SCFD1: variants seen among roughly 807,000 people sequenced by gnomAD.
SCFD1 encodes the protein sec1 family domain containing 1.
A neutral mutation model predicts 103.2 loss-of-function variants in SCFD1; 37 were observed. That is an observed-to-expected ratio of 0.36 (90% CI 0.28 to 0.47). The LOEUF is 0.47. SCFD1 is among the 20% of genes least tolerant of loss of function. The pLI is 1.00. For synonymous variants in SCFD1, 264 were observed against 245.0 expected, an observed-to-expected ratio of 1.08 and a Z score of -0.73; for missense variants, 639 against 761.2, an observed-to-expected ratio of 0.84 and a Z score of 1.89.
chr14:30,634,742 A>AT, intron 4 of SCFD1: 2 of 451,216 alleles, frequency 4.4e-6, no homozygotes, highest in East Asian at 1.4e-4. Flanking sequence ...GTCGCTGATC[A>AT]TTCGTCTTTA....
intron 10 of SCFD1, among the ~76,000 whole-genome samples, chr14:30,654,954 G>A (rs1886759438): frequency 1.3e-5 from 2 of 152,140 alleles, no homozygotes; most frequent in Admixed American, 1.3e-4. Context: ...AGTAAGAGGT[G>A]GGAGAGGAGG....
At chr14:30,706,097 A>G (rs1891451419) in intron 18 of SCFD1, among the ~76,000 whole-genome samples, 2 of 152,022 alleles carry the variant, frequency 1.3e-5, no homozygotes, top group Admixed American at 1.3e-4. Context: ...TTTATGGGGT[A>G]CAGTGTGCTA....
intron 1 of SCFD1, among the ~76,000 whole-genome samples, chr14:30,626,216 C>T (rs1430909393): frequency 6.6e-6 from 1 of 151,756 alleles, no homozygotes; most frequent in Non-Finnish European, 1.5e-5. Flanking sequence ...TAATGTAAAA[C>T]CTGTGGGCCT....
At chr14:30,729,396 C>G (rs1336105494) in intron 23 of SCFD1, among the ~76,000 whole-genome samples, 1 of 152,118 alleles carries the variant, frequency 6.6e-6, no homozygotes, top group African/African-American at 2.4e-5. Flanking sequence ...TATGAAGATC[C>G]AGTTTCATCT....
At chr14:30,734,277 G>A (rs1893681902) in intron 23 of SCFD1, among the ~76,000 whole-genome samples, 1 of 152,124 alleles carries the variant, frequency 6.6e-6, no homozygotes, top group Admixed American at 6.5e-5. Context: ...GTTGTGATTG[G>A]GTTCCAACAT....
intron 10 of SCFD1, among the ~76,000 whole-genome samples, chr14:30,657,212 G>A (rs538408963): frequency 1.7e-4 from 26 of 152,000 alleles, no homozygotes; most frequent in African/African-American, 5.1e-4. Flanking sequence ...CTGGATGGAG[G>A]AAATTAAAGT....
intron 4 of SCFD1, among the ~76,000 whole-genome samples, chr14:30,635,884 G>A (rs1196858664): frequency 4.6e-5 from 7 of 152,022 alleles, no homozygotes; most frequent in African/African-American, 1.7e-4. Flanking sequence ...TAGTGTGTGA[G>A]GGTTCTGATT....
intron 4 of SCFD1, among the ~76,000 whole-genome samples, chr14:30,637,219 G>C (rs1884817810): frequency 6.6e-6 from 1 of 152,042 alleles, no homozygotes; most frequent in South Asian, 2.1e-4. Context: ...CACCTATCCA[G>C]ATAAACAGAT....
intron 23 of SCFD1, among the ~76,000 whole-genome samples, chr14:30,728,762 G>A (rs901306463): frequency 6.6e-6 from 1 of 151,724 alleles, no homozygotes; most frequent in Admixed American, 6.6e-5. Context: ...GATGACTTAC[G>A]AAGTCAAGAA....
intron 5 of SCFD1, 77 bp downstream of exon 5, chr14:30,638,324 G>A (rs556076302): frequency 2.3e-5 from 36 of 1,594,482 alleles, no homozygotes; most frequent in Non-Finnish European, 3.1e-5. Context: ...AGTTGGCATA[G>A]ATATCTATTT....
In SCFD1 at chr14:30,705,752, T is replaced by C. The variant is rs559980586; in HGVS notation, c.1491-71T>C. On this transcript the variant is annotated intron_variant, in intron 17 of 24. Coordinates refer to ENST00000458591, the MANE Select transcript of SCFD1 (RefSeq NM_016106.4). ...ATAGAAGTTAGAGTTAGTCAGTAGATATTTTAATACCGTGACACCCAGAGT... is the reference window on the plus strand; with the variant it reads ...ATAGAAGTTAGAGTTAGTCAGTAGACATTTTAATACCGTGACACCCAGAGT... 7.7e-6 allele frequency: 9 copies of C among 1,166,870 alleles called. No homozygotes were observed. The African/African-American group carries it at 1.1e-4, about 14-fold the overall frequency. The allele number at this position is 1,166,870 out of a possible 1,614,324, so 72.3% of individuals were successfully genotyped here.
intron 15 of SCFD1, among the ~76,000 whole-genome samples, chr14:30,696,550 T>A (rs1890715256): frequency 6.6e-6 from 1 of 152,126 alleles, no homozygotes; most frequent in African/African-American, 2.4e-5. Context: ...CAGAATAAGA[T>A]GTTGGAACCT....
intron 4 of SCFD1, chr14:30,634,852 C>A (rs1448351113): frequency 2.2e-6 from 1 of 456,038 alleles, no homozygotes; most frequent in South Asian, 1.5e-5. Context: ...CCAGCCCTGA[C>A]TGTTGATTTT....
At chr14:30,640,124 A>G (rs1885121790) in intron 6 of SCFD1, among the ~76,000 whole-genome samples, 1 of 152,204 alleles carries the variant, frequency 6.6e-6, no homozygotes, top group Non-Finnish European at 1.5e-5. Flanking sequence ...AACTTGCATG[A>G]ATGGTTCACT....
chr14:30,673,441 G>T, intron 12 of SCFD1, 94 bp downstream of exon 12: 1 of 572,130 alleles, frequency 1.7e-6, no homozygotes, highest in South Asian at 3.2e-5. Context: ...AAAAATTGAA[G>T]GCCATTTAAT....
intron 23 of SCFD1, among the ~76,000 whole-genome samples, chr14:30,733,514 A>G (rs1893627937): frequency 6.6e-6 from 1 of 152,208 alleles, no homozygotes; most frequent in East Asian, 1.9e-4. Context: ...TGGGGACTGT[A>G]CAAGTCAGGA....
At chr14:30,703,969 T>G (rs1183062574) in intron 17 of SCFD1, among the ~76,000 whole-genome samples, 2 of 72,354 alleles carry the variant, frequency 2.8e-5, no homozygotes, top group African/African-American at 9.2e-5. Context: ...ATATAAATAA[T>G]GAGATATCTT....
At chr14:30,722,053 A>C (rs1892686127) in intron 22 of SCFD1, 136 bp downstream of exon 22, 2 of 592,818 alleles carry the variant, frequency 3.4e-6, no homozygotes, top group African/African-American at 3.9e-5. Flanking sequence ...TATTTTTCTA[A>C]TTTATAAAGC....
intron 20 of SCFD1, among the ~76,000 whole-genome samples, chr14:30,716,689 G>A (rs1892301058): frequency 6.6e-6 from 1 of 152,190 alleles, no homozygotes. Context: ...CTATAGATTT[G>A]GCAGTGAGGC....
Sources: allele counts gnomAD v4.1 joint callset (sites outside exome capture counted in the v4.1 genomes callset), GRCh38; gene constraint gnomAD v4.1.1; transcripts MANE v1.5; gene names NCBI Gene and HGNC (gene_info 2026-07-23, HGNC 2026-07-21).